Variants in MAN2A1 observed in about 807,000 individuals in gnomAD.
MAN2A1 encodes the protein mannosidase alpha class 2A member 1.
MAN2A1 carries 76 observed loss-of-function variants against 142.6 expected under a neutral mutation model. That is an observed-to-expected ratio of 0.53 (90% confidence interval 0.44 to 0.65). The LOEUF is 0.65. MAN2A1 is among the 30% of genes least tolerant of loss of function. MAN2A1 has a pLI of 0.00. For missense variants in MAN2A1, 1,311 were observed against 1,365.1 expected (o/e 0.96, Z 0.62); for synonymous variants, 559 against 473.2 (o/e 1.18, Z -2.35).
chr5:109,830,434 C>G (rs913454003), intron 16 of MAN2A1, among the ~76,000 whole-genome samples: 2 of 152,208 alleles, frequency 1.3e-5, no homozygotes, highest in Non-Finnish European at 1.5e-5. Flanking sequence ...CTTCTAAATT[C>G]ATCTTCTACA....
intron 19 of MAN2A1, among the ~76,000 whole-genome samples, chr5:109,851,445 A>G (rs1447028372): frequency 2.0e-5 from 3 of 152,128 alleles, no homozygotes; most frequent in Non-Finnish European, 4.4e-5. Context: ...TCATGAATGA[A>G]TTAATGCCAT....
At chr5:109,793,162 A>G (rs1275256476) in intron 12 of MAN2A1, among the ~76,000 whole-genome samples, 1 of 152,068 alleles carries the variant, frequency 6.6e-6, no homozygotes, top group African/African-American at 2.4e-5. Flanking sequence ...CATACCTTTC[A>G]TGTACGGAGT....
At chr5:109,793,270 G>A (rs1238961406) in intron 12 of MAN2A1, among the ~76,000 whole-genome samples, 1 of 152,044 alleles carries the variant, frequency 6.6e-6, no homozygotes, top group African/African-American at 2.4e-5. Flanking sequence ...CACTCATATG[G>A]CTGGCAGTTA....
chr5:109,730,752 C>G (rs1275516179), intron 4 of MAN2A1, among the ~76,000 whole-genome samples: 2 of 152,080 alleles, frequency 1.3e-5, no homozygotes, highest in African/African-American at 2.4e-5. Flanking sequence ...GAAATAGGTA[C>G]AATTGTTATC....
At chr5:109,741,794 C>T (rs559625058) in intron 4 of MAN2A1, among the ~76,000 whole-genome samples, 29 of 152,238 alleles carry the variant, frequency 1.9e-4, no homozygotes, top group Admixed American at 3.9e-4. Context: ...GAGAGATCTA[C>T]GTAAACAACA....
intron 4 of MAN2A1, among the ~76,000 whole-genome samples, chr5:109,746,904 A>G (rs1325989781): frequency 6.6e-6 from 1 of 152,172 alleles, no homozygotes; most frequent in African/African-American, 2.4e-5. Context: ...TCAGCATAGT[A>G]TCTTCAAGGC....
At chr5:109,738,203 CT>C (rs1348199371) in intron 4 of MAN2A1, among the ~76,000 whole-genome samples, 2 of 150,398 alleles carry the variant, frequency 1.3e-5, no homozygotes, top group African/African-American at 4.9e-5. Flanking sequence ...TACTGTTCCC[CT>C]ATCAGCTTTT....
chr5:109,763,973 G>A (rs550151937), intron 5 of MAN2A1, among the ~76,000 whole-genome samples: 1 of 151,914 alleles, frequency 6.6e-6, no homozygotes, highest in African/African-American at 2.4e-5. Flanking sequence ...GGCTAATTTT[G>A]TGTTTTTAAT....
At chr5:109,795,221 A>G (rs1056922636) in intron 12 of MAN2A1, among the ~76,000 whole-genome samples, 5 of 152,138 alleles carry the variant, frequency 3.3e-5, no homozygotes, top group Admixed American at 2.0e-4. Flanking sequence ...ATTTTTCAAG[A>G]AAATATAAAG....
chr5:109,743,981 C>G (rs938451214), intron 4 of MAN2A1, among the ~76,000 whole-genome samples: 1 of 152,174 alleles, frequency 6.6e-6, no homozygotes, highest in African/African-American at 2.4e-5. Context: ...TCCTCAGACA[C>G]ATGCCGTTTT....
chr5:109,819,679 G>A lies in MAN2A1; in HGVS notation c.2120G>A (p.Arg707Gln), dbSNP rs371840953. The change falls in exon 14 of 22, where the codon CGA becomes CAA. Residue 707 changes from arginine to glutamine, a missense_variant. Transcript: ENST00000261483. Reference protein sequence around the residue: ...ISETAYEISFRAHIPPLGLKV... With the variant: ...ISETAYEISFQAHIPPLGLKV... The stretch of plus-strand genomic sequence containing the variant: ...CCCTATCTTTTAAAGATCTCTTTTC[G>A]AGCACATATACCGCCATTGGGACTG... 91 of 1,565,264 alleles carry A rather than the reference G, an allele frequency of 5.8e-5. No individual in the cohort carries two copies. Among genetic ancestry groups the A allele is most frequent in the African/African-American group, 8.3e-5 (6 of 72,048 alleles).
At chr5:109,850,265 T>A (rs750336597) in intron 19 of MAN2A1, among the ~76,000 whole-genome samples, 2 of 152,184 alleles carry the variant, frequency 1.3e-5, no homozygotes, top group Admixed American at 6.5e-5. Flanking sequence ...AGAGTACATT[T>A]TGCCACTGTA....
intron 3 of MAN2A1, among the ~76,000 whole-genome samples, chr5:109,726,854 G>A (rs1194836219): frequency 6.6e-6 from 1 of 152,148 alleles, no homozygotes; most frequent in Non-Finnish European, 1.5e-5. Context: ...TCTTTAGCTA[G>A]TAGCCAGATA....
In MAN2A1 at chr5:109,828,373, AAGAT is replaced by A. The variant is rs536319124; in HGVS notation, c.2566+4540_2566+4543del. The stretch of plus-strand genomic sequence containing the variant: ...GCTTTTTTGGTTAATCTGTAATTAG[AAGAT>A]AGAATATAATACAAACAGAAGCTCC... On this transcript the variant is annotated intron_variant, in intron 16 of 21. Coordinates refer to ENST00000261483, the MANE Select transcript of MAN2A1 (RefSeq NM_002372.4). Among the ~76,000 whole-genome samples, 8 of 152,306 alleles carry A rather than the reference AAGAT, an allele frequency of 5.3e-5. No individual in the cohort carries two copies. The East Asian group carries it at 9.7e-4, about 18-fold the overall frequency.
At chr5:109,799,140 A>G (rs1188366505) in intron 12 of MAN2A1, among the ~76,000 whole-genome samples, 5 of 152,172 alleles carry the variant, frequency 3.3e-5, no homozygotes, top group Non-Finnish European at 7.3e-5. Flanking sequence ...GCGGAGTTTA[A>G]TACGGTTATG....
chr5:109,758,266 T>C (rs997355201), intron 5 of MAN2A1, among the ~76,000 whole-genome samples: 1 of 152,186 alleles, frequency 6.6e-6, no homozygotes, highest in Non-Finnish European at 1.5e-5. Flanking sequence ...TGCATTTTCC[T>C]AAAGACTAGT....
chr5:109,787,885 G>A (rs187748206), intron 10 of MAN2A1, among the ~76,000 whole-genome samples: 78 of 151,854 alleles, frequency 5.1e-4, no homozygotes, highest in East Asian at 7.7e-4. Flanking sequence ...GTTAGATTAT[G>A]GCATGAACTC....
chr5:109,726,278 T>C (rs1165979236), intron 3 of MAN2A1, among the ~76,000 whole-genome samples: 1 of 152,172 alleles, frequency 6.6e-6, no homozygotes, highest in Non-Finnish European at 1.5e-5. Flanking sequence ...GTTGGTCTCA[T>C]GTTAATATAC....
intron 12 of MAN2A1, among the ~76,000 whole-genome samples, chr5:109,806,948 T>G (rs1439924128): frequency 6.6e-6 from 1 of 152,216 alleles, no homozygotes; most frequent in Admixed American, 6.5e-5. Flanking sequence ...AACTTTCATA[T>G]ATTAGGAAGA....
Sources: gnomAD v4.1 joint callset for allele counts (sites outside exome capture counted in the v4.1 genomes callset) on GRCh38, gnomAD v4.1.1 for gene constraint, MANE v1.5 for transcripts, NCBI Gene and HGNC (gene_info 2026-07-23, HGNC 2026-07-21) for gene names.